Variants in PITPNM2 observed in about 807,000 individuals in gnomAD.
PITPNM2 encodes phosphatidylinositol transfer protein membrane associated 2.
Under a neutral mutation model 132.2 loss-of-function variants are expected in PITPNM2, and 35 were observed. The ratio of observed to expected loss-of-function variants is 0.26; its 90% CI spans 0.20 to 0.35. The LOEUF is 0.35. Among genes scored for constraint, PITPNM2 ranks in the 10% least tolerant of loss-of-function variants. The probability of loss-of-function intolerance (pLI) is 1.00; values close to 1 mark genes in which losing one functional copy is unlikely to be tolerated. For missense variants in PITPNM2, 1,332 were observed against 1,912.0 expected, an observed-to-expected ratio of 0.70 and a Z score of 5.66; for synonymous variants, 738 against 799.2, an observed-to-expected ratio of 0.92 and a Z score of 1.29.
chr12:123,104,697 G>C (rs904050647), intron 2 of PITPNM2, among the ~76,000 whole-genome samples: 1 of 151,436 alleles, frequency 6.6e-6, no homozygotes, highest in Non-Finnish European at 1.5e-5. Flanking sequence ...ATCTCCCTTC[G>C]CTGACTCTCT....
In PITPNM2 at chr12:122,988,782, T is replaced by C; in HGVS notation, c.2822A>G (p.His941Arg). ...LTAFPTVALP[H>R]LFHASYWEST... ...CTCCCAGTAGCTGGCGTGGAAGAGG[T>C]GAGGCAGAGCCACCGTGGGGAAGGC... is the stretch of plus-strand genomic sequence containing the variant. The change falls in exon 19 of 26, where the codon CAC (histidine) becomes CGC (arginine). Residue 941 changes from histidine to arginine, a missense_variant. Physicochemically the swap from His to Arg is conservative, Grantham distance 29. Coordinates refer to ENST00000320201, the MANE Select transcript of PITPNM2 (RefSeq NM_020845.3). The C allele has an allele frequency of 6.3e-7, 1 of 1,581,144 alleles. No individual in the cohort carries two copies. The highest frequency in any genetic ancestry group is 8.6e-7 in the Non-Finnish European group (1 of 1,163,742).
intron 1 of PITPNM2, among the ~76,000 whole-genome samples, chr12:123,140,604 C>G (rs2043485016): frequency 6.6e-6 from 1 of 152,020 alleles, no homozygotes. Context: ...AGGCCATAAA[C>G]AGGGATCTGC....
At chr12:123,052,790 T>TG (rs1437763577) in intron 2 of PITPNM2, among the ~76,000 whole-genome samples, 3 of 151,584 alleles carry the variant, frequency 2.0e-5, no homozygotes, top group Non-Finnish European at 4.4e-5. Flanking sequence ...TTAAGTTTTT[T>TG]TTTTTTTTTT....
intron 2 of PITPNM2, among the ~76,000 whole-genome samples, chr12:123,076,877 C>T (rs546539811): frequency 1.2e-4 from 19 of 152,252 alleles, no homozygotes; most frequent in South Asian, 4.1e-4. Flanking sequence ...TCCATCAACA[C>T]GGGAGCTGTT....
At chr12:123,017,452 T>C (rs1326948799) in intron 3 of PITPNM2, among the ~76,000 whole-genome samples, 1 of 151,994 alleles carries the variant, frequency 6.6e-6, no homozygotes, top group African/African-American at 2.4e-5. Context: ...CTTCTGGGTA[T>C]GCACCCAAAA....
In PITPNM2 at chr12:123,031,745, T is replaced by C. The variant is rs2040098142; in HGVS notation, c.78+2768A>G. 6.6e-6 allele frequency among the ~76,000 whole-genome samples: 1 copy of C among 152,146 alleles called. No individual in the cohort carries two copies. Among genetic ancestry groups the C allele is most frequent in the African/African-American group, 2.4e-5 (1 of 41,434 alleles). ...CCAATCTCCCCTCCAAGCATGCTAG[T>C]GCCTGTCACAGAAGCACCTCTCCCG... On this transcript the variant is annotated intron_variant, in intron 3 of 25. Coordinates refer to ENST00000320201, the MANE Select transcript of PITPNM2 (RefSeq NM_020845.3). The surrounding 1 kb of genome is among the most constrained non-coding windows in gnomAD (Gnocchi z 4.5).
At chr12:123,080,821 C>T (rs1290390625) in intron 2 of PITPNM2, among the ~76,000 whole-genome samples, 3 of 152,304 alleles carry the variant, frequency 2.0e-5, no homozygotes, top group Non-Finnish European at 4.4e-5. Context: ...AATCTCTACC[C>T]CATGGGTTTG....
chr12:123,005,341 G>A lies in PITPNM2; in HGVS notation c.851C>T (p.Pro284Leu), dbSNP rs779109450. 1.2e-6 allele frequency: 2 copies of A among 1,614,104 alleles called. No individual in the cohort carries two copies. The highest frequency in any genetic ancestry group is 2.2e-5 in the South Asian group (2 of 91,076). Residue 284 changes from proline to leucine, a missense_variant, in exon 7 of 26, where the codon CCC becomes CTC. By Grantham distance (98) the Pro-to-Leu change is moderately conservative. Around this residue, in one of 6 missense-constraint regions of PITPNM2, gnomAD observed 710 missense variants for 911.5 expected, o/e 0.78. Transcript: ENST00000320201. The surrounding 1 kb of genome is among the most constrained non-coding windows in gnomAD (Gnocchi z 6.2). ...CCCATTGCTGCTGCTGGGCTCCGGG[G>A]GCTCCCCAGAGGTCTGGTCCGAGAC... ...EAVSDQTSGE[P>L]PEPSSSNGEP...
In PITPNM2 at chr12:123,078,002, G is replaced by A. The variant is rs1396524199; in HGVS notation, c.-96+32383C>T. ...GCCTGGAGACAGAGGACACTGAGGA[G>A]CACGCGTGTCCCCAGGATGGGTGGA... On this transcript the variant is annotated intron_variant, in intron 2 of 25. Transcript: ENST00000320201. This position sits in a 1 kb window ranked among gnomAD's most constrained non-coding sequence, Gnocchi z 7.3. 1.3e-5 allele frequency among the ~76,000 whole-genome samples: 2 copies of A among 152,130 alleles called. No individual in the cohort carries two copies. Among genetic ancestry groups the A allele is most frequent in the African/African-American group, 2.4e-5 (1 of 41,416 alleles).
At chr12:123,145,059 C>T (rs2043584363) in intron 1 of PITPNM2, among the ~76,000 whole-genome samples, 1 of 152,050 alleles carries the variant, frequency 6.6e-6, no homozygotes, top group African/African-American at 2.4e-5. Flanking sequence ...AGTCTGTAGT[C>T]CCAGCTACTC....
intron 13 of PITPNM2, 52 bp downstream of exon 13, chr12:122,996,406 G>A (rs1594128616): frequency 6.2e-7 from 1 of 1,603,532 alleles, no homozygotes; most frequent in East Asian, 2.2e-5. Context: ...CACCCTGGGG[G>A]CGTGCAGGAG....
intron 3 of PITPNM2, among the ~76,000 whole-genome samples, chr12:123,018,004 C>CTTCCTTCT (rs2039497659): frequency 7.5e-6 from 1 of 133,830 alleles, no homozygotes; most frequent in South Asian, 2.6e-4. Flanking sequence ...TCCTTCCTTC[C>CTTCCTTCT]TTCCTTCCTT....
In PITPNM2 at chr12:123,013,922, T is replaced by G; in HGVS notation, c.199A>C (p.Met67Leu). The G allele has an allele frequency of 1.2e-6, 2 of 1,614,278 alleles. No individual in the cohort carries two copies. The highest frequency in any genetic ancestry group is 1.7e-6 in the Non-Finnish European group (2 of 1,180,048). Residue 67 changes from methionine (M) to leucine (L), a missense_variant, in exon 4 of 26, where the codon ATG (methionine) becomes CTG (leucine). By Grantham distance (15) the Met-to-Leu change is conservative. Coordinates refer to ENST00000320201, the MANE Select transcript of PITPNM2 (RefSeq NM_020845.3). ...QYTHKVYHVGMHIPSWFRSIL... is the reference protein window; with the variant it reads ...QYTHKVYHVGLHIPSWFRSIL... ...GAGCGGAACCAGCTGGGAATGTGCA[T>G]GCCCACATGATACACCTTGTGTGTG...
At chr12:123,030,490 G>A (rs563500292) in intron 3 of PITPNM2, among the ~76,000 whole-genome samples, 6 of 152,180 alleles carry the variant, frequency 3.9e-5, no homozygotes, top group South Asian at 4.1e-4. Flanking sequence ...TCAGGAGCTC[G>A]AGACCATCCT....
At chr12:123,010,664 TGAG>T (rs1373920066) in intron 5 of PITPNM2, 1 of 155,846 alleles carries the variant, frequency 6.4e-6, no homozygotes, top group East Asian at 1.9e-4. Flanking sequence ...GGTGTCTGCG[TGAG>T]GAGAAGGATG....
At chr12:123,076,134 G>A (rs2041780116) in intron 2 of PITPNM2, 1 of 152,186 alleles carries the variant, frequency 6.6e-6, no homozygotes, top group Admixed American at 6.5e-5. Flanking sequence ...CACATAACTC[G>A]TAAACCCATC....
intron 1 of PITPNM2, among the ~76,000 whole-genome samples, chr12:123,137,590 G>A (rs1420441765): frequency 6.6e-6 from 1 of 152,100 alleles, no homozygotes. Context: ...TTGGAACCAA[G>A]GCACAGAAAG....
Position 122,990,580 on chromosome 12 carries a change from A to G in PITPNM2, c.2534T>C (p.Met845Thr). Residue 845 changes from methionine (M) to threonine (T), a missense_variant, in exon 17 of 26, where the codon ATG becomes ACG. By Grantham distance (81) the Met-to-Thr change is moderately conservative. This residue lies in a region of PITPNM2 where 710 missense variants were observed against 911.5 expected (regional missense o/e 0.78). Coordinates refer to ENST00000320201, the MANE Select transcript of PITPNM2 (RefSeq NM_020845.3). ...EISIASQVSG[M>T]AESYTASSIA... is the part of the protein sequence containing the mutation. Reference sequence around the variant, plus strand: ...GCTGGATGCCGTGTAGCTCTCAGCCATGCCTGACACCTGGCTGGCGATGCT... The same window carrying G: ...GCTGGATGCCGTGTAGCTCTCAGCCGTGCCTGACACCTGGCTGGCGATGCT... 6.2e-7 allele frequency: 1 copy of G among 1,612,958 alleles called. No homozygotes were observed. Among genetic ancestry groups the G allele is most frequent in the Non-Finnish European group, 8.5e-7 (1 of 1,179,980 alleles).
At chr12:123,121,078 G>A (rs1309634786) in intron 1 of PITPNM2, among the ~76,000 whole-genome samples, 1 of 152,226 alleles carries the variant, frequency 6.6e-6, no homozygotes, top group Non-Finnish European at 1.5e-5. Context: ...TCTCTGGGGA[G>A]CTGACTCTGG....
Sources: allele counts gnomAD v4.1 joint callset (sites outside exome capture counted in the v4.1 genomes callset), GRCh38; gene constraint gnomAD v4.1.1; regional missense constraint gnomAD v4.1.1; non-coding constraint Gnocchi (gnomAD v3.1); transcripts MANE v1.5; gene names NCBI Gene and HGNC (gene_info 2026-07-23, HGNC 2026-07-21).